The following PSMA3 variants were observed in gnomAD, a reference collection of about 807,000 sequenced individuals.
The protein encoded by PSMA3 is proteasome subunit alpha type-3.
In PSMA3, 8 loss-of-function variants were observed where a neutral mutation model predicts 40.0. The ratio of observed to expected loss-of-function variants is 0.20; its 90% CI spans 0.12 to 0.36. The LOEUF (loss-of-function observed/expected upper bound fraction) is 0.36, where lower values mean the gene tolerates loss of function less well. Ranked by LOEUF, PSMA3 falls within the 10% of genes least tolerant of loss-of-function variation. PSMA3 has a pLI of 1.00. For missense variants in PSMA3, 219 were observed against 310.6 expected (o/e 0.70, Z 2.22); for synonymous variants, 110 against 100.0 (o/e 1.10, Z -0.59).
At chr14:58,249,095 G>T (rs1889942553) in intron 2 of PSMA3, among the ~76,000 whole-genome samples, 1 of 152,038 alleles carries the variant, frequency 6.6e-6, no homozygotes, top group African/African-American at 2.4e-5. Context: ...CAAGTAGCTG[G>T]GATTACAGAC....
intron 3 of PSMA3, among the ~76,000 whole-genome samples, chr14:58,256,433 G>A (rs891926153): frequency 1.3e-5 from 1 of 77,258 alleles, no homozygotes; most frequent in African/African-American, 5.5e-5. Context: ...TTTTTTTTTT[G>A]AGATGGAGTC....
chr14:58,262,222 C>T (rs1288916318), intron 6 of PSMA3, among the ~76,000 whole-genome samples: 1 of 151,916 alleles, frequency 6.6e-6, no homozygotes, highest in Non-Finnish European at 1.5e-5. Flanking sequence ...AGCCACAGTG[C>T]CGGACCTAAT....
intron 8 of PSMA3, chr14:58,270,185 C>A: frequency 2.0e-6 from 1 of 509,282 alleles, no homozygotes; most frequent in Non-Finnish European, 3.2e-6. Context: ...ATAAACTGAA[C>A]TTGGGTTGAT....
chr14:58,270,708 A>G (rs1348626835), intron 9 of PSMA3, among the ~76,000 whole-genome samples: 2 of 152,218 alleles, frequency 1.3e-5, no homozygotes, highest in African/African-American at 4.8e-5. Flanking sequence ...AATGCTCAGG[A>G]TTTATAAATA....
chr14:58,245,870 T>C (rs932966258), intron 1 of PSMA3, among the ~76,000 whole-genome samples: 1 of 152,238 alleles, frequency 6.6e-6, no homozygotes, highest in African/African-American at 2.4e-5. Context: ...AGGCAACTTA[T>C]GTCTGGAATG....
At chr14:58,247,964 C>T in intron 2 of PSMA3, 132 bp downstream of exon 2, 1 of 600,624 alleles carries the variant, frequency 1.7e-6, no homozygotes, top group Non-Finnish European at 2.9e-6. Context: ...TTCCAGATCT[C>T]TTTCTAGGCC....
chr14:58,270,796 A>G, intron 9 of PSMA3, 138 bp from the exon 10 acceptor site: 1 of 811,362 alleles, frequency 1.2e-6, no homozygotes, highest in Non-Finnish European at 1.9e-6. Flanking sequence ...ACACAAAAAT[A>G]TTCGAGTATT....
At chr14:58,260,463 A>G (rs1890250448) in intron 5 of PSMA3, among the ~76,000 whole-genome samples, 1 of 152,248 alleles carries the variant, frequency 6.6e-6, no homozygotes, top group African/African-American at 2.4e-5. Flanking sequence ...ATTTCATACA[A>G]TCAGCTAATA....
intron 6 of PSMA3, among the ~76,000 whole-genome samples, chr14:58,262,341 G>C (rs182809624): frequency 3.9e-5 from 6 of 152,084 alleles, no homozygotes; most frequent in African/African-American, 1.4e-4. Context: ...AGTAGGCTGG[G>C]ATTAGAAGCA....
At chr14:58,262,808 G>A (rs557716915) in intron 6 of PSMA3, among the ~76,000 whole-genome samples, 2 of 151,636 alleles carry the variant, frequency 1.3e-5, no homozygotes, top group Admixed American at 1.3e-4. Flanking sequence ...AGTGATCCAC[G>A]TGCCTCAGAT....
At chr14:58,248,726 G>T (rs570834966) in intron 2 of PSMA3, among the ~76,000 whole-genome samples, 12 of 151,650 alleles carry the variant, frequency 7.9e-5, no homozygotes, top group Non-Finnish European at 1.5e-4. Context: ...AGGCTGAGGC[G>T]GGCGGATCAC....
chr14:58,270,398 CT>C lies in PSMA3; in HGVS notation c.591-17del, dbSNP rs767689352. The C allele has an allele frequency of 1.4e-5, 23 of 1,612,372 alleles. No homozygotes were observed. Among genetic ancestry groups the C allele is most frequent in the Non-Finnish European group, 2.0e-5 (23 of 1,179,216 alleles). On this transcript the variant is annotated intron_variant, in intron 8 of 10. Coordinates refer to ENST00000216455, the MANE Select transcript of PSMA3 (RefSeq NM_002788.4). ...TGTTTGGAGGTTACCAAAATCTTACCTTTCCCTTTTCTATTCTAGAATTTAC... is the reference window on the plus strand; with the variant it reads ...TGTTTGGAGGTTACCAAAATCTTACCTTCCCTTTTCTATTCTAGAATTTAC...
intron 2 of PSMA3, among the ~76,000 whole-genome samples, chr14:58,251,715 A>G (rs1890014776): frequency 6.6e-6 from 1 of 152,236 alleles, no homozygotes; most frequent in Admixed American, 6.5e-5. Context: ...TAATCCTTCT[A>G]CCCAGAGCAG....
chr14:58,270,581 C>T, intron 9 of PSMA3, 96 bp downstream of exon 9: 3 of 1,563,688 alleles, frequency 1.9e-6, no homozygotes, highest in Non-Finnish European at 2.6e-6. Context: ...AAAGCTAAAG[C>T]AAATTTACTA....
chr14:58,245,715 A>G (rs1440108227), intron 1 of PSMA3, among the ~76,000 whole-genome samples: 2 of 152,226 alleles, frequency 1.3e-5, no homozygotes, highest in Non-Finnish European at 2.9e-5. Flanking sequence ...TTCTCTATAT[A>G]GAAAATACAG....
intron 6 of PSMA3, among the ~76,000 whole-genome samples, chr14:58,261,348 TTTTTA>T (rs1004664084): frequency 6.6e-6 from 1 of 151,878 alleles, no homozygotes; most frequent in Non-Finnish European, 1.5e-5. Flanking sequence ...TGGCTAATTT[TTTTTA>T]TTTTTAGTAG....
At chr14:58,249,151 G>A (rs1160996544) in intron 2 of PSMA3, among the ~76,000 whole-genome samples, 1 of 151,930 alleles carries the variant, frequency 6.6e-6, no homozygotes, top group African/African-American at 2.4e-5. Flanking sequence ...GTAGAGACAG[G>A]GTTTCTCCAT....
chr14:58,260,431 G>A (rs1307336481), intron 5 of PSMA3, among the ~76,000 whole-genome samples: 1 of 152,174 alleles, frequency 6.6e-6, no homozygotes, highest in African/African-American at 2.4e-5. Context: ...CCCACTGTAT[G>A]TCACAATTTC....
At chr14:58,255,750 CA>C (rs1566639737) in intron 3 of PSMA3, among the ~76,000 whole-genome samples, 2 of 152,148 alleles carry the variant, frequency 1.3e-5, no homozygotes, top group African/African-American at 4.8e-5. Context: ...GCCTGGGCAA[CA>C]AGAGCAAAAC....
Sources: gnomAD v4.1 joint callset for allele counts (sites outside exome capture counted in the v4.1 genomes callset) on GRCh38, gnomAD v4.1.1 for gene constraint, MANE v1.5 for transcripts, NCBI Gene and HGNC (gene_info 2026-07-23, HGNC 2026-07-21) for gene names.